The following TMEM272 variants were observed in gnomAD, a reference collection of about 807,000 sequenced individuals.
TMEM272 encodes long intergenic non-protein coding RNA 282.
TMEM272 carries 8 observed loss-of-function variants against 3.7 expected under a neutral mutation model. The observed-to-expected ratio is 2.17, with a 90% CI of 1.27 to 3.91. The LOEUF (loss-of-function observed/expected upper bound fraction) is 3.91. Among genes scored for constraint, TMEM272 ranks in the 30% most tolerant of loss-of-function variants. The pLI, the probability that TMEM272 is intolerant of heterozygous loss-of-function variation, is 0.00. For synonymous variants in TMEM272, 63 were observed against 39.8 expected (o/e 1.58, Z -2.20); for missense variants, 166 against 91.5 (o/e 1.81, Z -3.32).
the TMEM272 span, among the ~76,000 whole-genome samples, chr13:51,929,630 C>A: frequency 1.1e-4 from 17 of 152,194 alleles, no homozygotes; most frequent in Admixed American, 1.1e-3. Context: ...AAGGAAAGCA[C>A]CAGCATTCAC....
the TMEM272 span, chr13:51,865,571 T>C: frequency 6.2e-7 from 1 of 1,614,196 alleles, no homozygotes; most frequent in Admixed American, 1.7e-5. Context: ...AATAGAGGAC[T>C]TCAGGGAAGA....
the TMEM272 span, among the ~76,000 whole-genome samples, chr13:51,920,484 T>A: frequency 6.6e-6 from 1 of 152,066 alleles, no homozygotes; most frequent in Non-Finnish European, 1.5e-5. Context: ...CCCTCCAATG[T>A]CTCCCAGCAG....
chr13:51,843,136 G>T (rs1956276082), intron 1 of TMEM272, among the ~76,000 whole-genome samples: 3 of 152,116 alleles, frequency 2.0e-5, no homozygotes, highest in Admixed American at 6.5e-5. Flanking sequence ...TTACATTTTT[G>T]ATTGCCAGTG....
At chr13:51,842,936 G>A (rs9591436) in intron 1 of TMEM272, among the ~76,000 whole-genome samples, 1 of 152,140 alleles carries the variant, frequency 6.6e-6, no homozygotes, top group African/African-American at 2.4e-5. Context: ...GAATAGTTAT[G>A]TAATTAAAAA....
the TMEM272 span, chr13:51,910,380 G>A: frequency 5.7e-6 from 6 of 1,061,194 alleles, no homozygotes; most frequent in African/African-American, 1.6e-5. Flanking sequence ...TCCAGAAAGC[G>A]CTATAGCAAG....
At chr13:51,875,316 G>A in the TMEM272 span, among the ~76,000 whole-genome samples, 1 of 152,120 alleles carries the variant, frequency 6.6e-6, no homozygotes, top group Non-Finnish European at 1.5e-5. Context: ...TTTGGCTCCA[G>A]AACTCATTTT....
the TMEM272 span, among the ~76,000 whole-genome samples, chr13:51,904,422 T>C: frequency 3.9e-5 from 6 of 152,278 alleles, no homozygotes; most frequent in South Asian, 2.1e-4. Flanking sequence ...ATAATGATAA[T>C]TGATGATCAT....
At chr13:51,834,329 C>T (rs1255389843) in intron 2 of TMEM272, among the ~76,000 whole-genome samples, 2 of 152,068 alleles carry the variant, frequency 1.3e-5, no homozygotes, top group Admixed American at 6.5e-5. Context: ...TACCACAGAG[C>T]AGGAGCACAC....
chr13:51,817,233 A>G, intron 4 of TMEM272, 120 bp from the exon 5 acceptor site: 1 of 599,938 alleles, frequency 1.7e-6, no homozygotes. Context: ...AGAGAGAGGA[A>G]GGTGTTATGA....
chr13:51,905,264 C>G, the TMEM272 span, among the ~76,000 whole-genome samples: 1 of 152,180 alleles, frequency 6.6e-6, no homozygotes, highest in African/African-American at 2.4e-5. Flanking sequence ...GGACGAGGGC[C>G]CAGAGGCAGG....
intron 1 of TMEM272, among the ~76,000 whole-genome samples, 184 bp downstream of exon 1, chr13:51,844,832 T>C (rs1394838359): frequency 6.6e-6 from 1 of 152,212 alleles, no homozygotes; most frequent in Non-Finnish European, 1.5e-5. Flanking sequence ...CCATCTCCCT[T>C]AGACTCAGTG....
the TMEM272 span, among the ~76,000 whole-genome samples, chr13:51,851,974 T>G: frequency 6.6e-6 from 1 of 152,376 alleles, no homozygotes; most frequent in South Asian, 2.1e-4. Flanking sequence ...AGTATCTTTC[T>G]GTAATTGTGT....
At chr13:51,842,654 T>C (rs1956272469) in intron 1 of TMEM272, among the ~76,000 whole-genome samples, 1 of 152,212 alleles carries the variant, frequency 6.6e-6, no homozygotes, top group Non-Finnish European at 1.5e-5. Flanking sequence ...CATATATACA[T>C]ATGCATATGT....
Position 51,833,766 on chromosome 13 carries a change from G to A in TMEM272, c.58+4707C>T, listed in dbSNP as rs147847960. Among the ~76,000 whole-genome samples, 1,375 of 152,280 alleles carry A rather than the reference G, an allele frequency of 9.0e-3. 23 individuals carry two copies. Among genetic ancestry groups the A allele is most frequent in the African/African-American group, 0.032 (1,328 of 41,552 alleles). ...AGATTTTCAGTTGTTCATGTAACAG[G>A]ACGAGTTAGTAAGAAATATTGGACC... is the stretch of plus-strand genomic sequence containing the variant. On this transcript the variant is annotated intron_variant, in intron 2 of 4. Transcript: ENST00000629372.
the TMEM272 span, among the ~76,000 whole-genome samples, chr13:51,880,741 C>T: frequency 2.0e-5 from 3 of 152,258 alleles, no homozygotes; most frequent in Non-Finnish European, 2.9e-5. Context: ...CAGGCCCCAC[C>T]GTCCCATGGG....
At chr13:51,865,344 C>T in the TMEM272 span, 76 of 1,531,054 alleles carry the variant, frequency 5.0e-5, no homozygotes, top group African/African-American at 9.0e-4. Flanking sequence ...TCTGACCAGC[C>T]GACCTGGACC....
intron 4 of TMEM272, among the ~76,000 whole-genome samples, chr13:51,821,274 G>C (rs1054257371): frequency 1.3e-5 from 2 of 152,204 alleles, no homozygotes; most frequent in Non-Finnish European, 2.9e-5. Context: ...AAAGTGGTGA[G>C]GTGGGCTTGG....
the TMEM272 span, chr13:51,921,302 T>G: frequency 2.0e-5 from 3 of 152,332 alleles, no homozygotes; most frequent in South Asian, 6.2e-4. Context: ...GGGTCTCTAG[T>G]GAACTGCTAT....
the TMEM272 span, among the ~76,000 whole-genome samples, chr13:51,931,844 T>C: frequency 6.6e-6 from 1 of 151,972 alleles, no homozygotes; most frequent in African/African-American, 2.4e-5. Context: ...GCAGTCACAA[T>C]GAGCCATGAG....
Sources: gnomAD v4.1 joint callset for allele counts (sites outside exome capture counted in the v4.1 genomes callset) on GRCh38, gnomAD v4.1.1 for gene constraint, MANE v1.5 for transcripts, NCBI Gene and HGNC (gene_info 2026-07-23, HGNC 2026-07-21) for gene names.